CDKN2A: variants seen among roughly 807,000 people sequenced by gnomAD.
The protein encoded by CDKN2A is cyclin-dependent kinase inhibitor 2A.
A neutral mutation model predicts 11.1 loss-of-function variants in CDKN2A; 3 were observed. The observed-to-expected ratio is 0.27, with a 90% CI of 0.12 to 0.70. The LOEUF is 0.70. Among genes scored for constraint, CDKN2A ranks in the 30% least tolerant of loss-of-function variants. The probability of loss-of-function intolerance (pLI) is 0.77; values close to 1 mark genes in which losing one functional copy is unlikely to be tolerated. For synonymous variants in CDKN2A, 122 were observed against 108.1 expected, an observed-to-expected ratio of 1.13 and a Z score of -0.80; for missense variants, 265 against 233.6, an observed-to-expected ratio of 1.13 and a Z score of -0.88.
At chr9:21,971,564 T>C (rs941885702) in intron 1 of CDKN2A, among the ~76,000 whole-genome samples, 4 of 146,186 alleles carry the variant, frequency 2.7e-5, no homozygotes, top group Non-Finnish European at 4.5e-5. Flanking sequence ...GAAATTATGT[T>C]AGGCCTGGAG....
At chr9:21,980,826 G>T (rs1266579031) in intron 2 of CDKN2A, among the ~76,000 whole-genome samples, 1 of 150,216 alleles carries the variant, frequency 6.7e-6, no homozygotes, top group Admixed American at 6.7e-5. Context: ...AGGCGAGGTG[G>T]CGGGCACCTG....
Position 21,988,080 on chromosome 9 carries a change from C to G in CDKN2A, c.-4+5802G>C, listed in dbSNP as rs1432316509. Among the ~76,000 whole-genome samples, 2 of 152,090 alleles carry G rather than the reference C, an allele frequency of 1.3e-5. No individual in the cohort carries two copies. The highest frequency in any genetic ancestry group is 2.4e-5 in the African/African-American group (1 of 41,416). On this transcript the variant is annotated intron_variant, in intron 2 of 3. Transcript: ENST00000494262. This position sits in a 1 kb window ranked among gnomAD's most constrained non-coding sequence, Gnocchi z 4.1. ...AAGAAAGCAGAGGCTTTTTTATTTACGTTACCTTGATTGTACGATTTTATT... is the reference window on the plus strand; with the variant it reads ...AAGAAAGCAGAGGCTTTTTTATTTAGGTTACCTTGATTGTACGATTTTATT...
At chr9:21,978,249 C>G (rs1168378193), upstream of CDKN2A, among the ~76,000 whole-genome samples, 2 of 151,646 alleles carry the variant, frequency 1.3e-5, no homozygotes, top group Non-Finnish European at 2.9e-5. Flanking sequence ...CACATGTACT[C>G]TAAAACTTAA....
chr9:21,994,490 C>G, intron 1 of CDKN2A: 1 of 1,451,964 alleles, frequency 6.9e-7, no homozygotes, highest in African/African-American at 1.5e-5. Context: ...CTTCCCTGAG[C>G]GCGCCCGCCC....
rs1214152049 is a variant in CDKN2A at position 21,968,050 on chromosome 9, C to T, written c.*179G>A. 2 of 630,636 alleles carry T rather than the reference C, an allele frequency of 3.2e-6. No individual in the cohort carries two copies. Among genetic ancestry groups the T allele is most frequent in the East Asian group, 2.7e-5 (1 of 36,664 alleles). The allele number at this position is 630,636 out of a possible 1,614,324, so 39.1% of individuals were successfully genotyped here. A position where few individuals can be genotyped will look rare whatever the true frequency, so the allele number is the denominator to read the frequency against. ...AAAAAATGATATAAATGGACATTTA[C>T]GGTAGTGGGGGAAGGCATATATCTA... On this transcript the variant is annotated 3_prime_UTR_variant, in exon 3 of 3. Transcript: ENST00000304494. This position sits in a 1 kb window ranked among gnomAD's most constrained non-coding sequence, Gnocchi z 4.7.
At chr9:21,985,742 TAA>T (rs1163719285) in intron 2 of CDKN2A, among the ~76,000 whole-genome samples, 5 of 152,000 alleles carry the variant, frequency 3.3e-5, no homozygotes, top group Non-Finnish European at 7.4e-5. Context: ...AGGTATACCC[TAA>T]AGGCCACCAT....
In CDKN2A at chr9:21,968,223, G is replaced by A. The variant is rs375628411; in HGVS notation, c.*6C>T. The A allele has an allele frequency of 6.2e-7, 1 of 1,613,896 alleles. No individual in the cohort carries two copies. Among genetic ancestry groups the A allele is most frequent in the South Asian group, 1.1e-5 (1 of 91,070 alleles). On this transcript the variant is annotated 3_prime_UTR_variant, in exon 3 of 3. Coordinates refer to ENST00000304494, the MANE Select transcript of CDKN2A (RefSeq NM_000077.5). The surrounding 1 kb of genome is among the most constrained non-coding windows in gnomAD (Gnocchi z 4.7). ...CCCGAGGTTTCTCAGAGCCTCTCTGGTTCTTTCAATCGGGGATGTCTGCAG... is the reference window on the plus strand; with the variant it reads ...CCCGAGGTTTCTCAGAGCCTCTCTGATTCTTTCAATCGGGGATGTCTGCAG...
At chr9:21,976,538 A>G (rs1250156677), upstream of CDKN2A, among the ~76,000 whole-genome samples, 1 of 152,084 alleles carries the variant, frequency 6.6e-6, no homozygotes, top group African/African-American at 2.4e-5. Flanking sequence ...CAACATGGCG[A>G]AACCCTGTCT....
At chr9:21,974,859 C>G (rs754906913), upstream of CDKN2A, 3 of 1,517,936 alleles carry the variant, frequency 2.0e-6, no homozygotes, top group East Asian at 7.4e-5. This position sits in a 1 kb window ranked among gnomAD's most constrained non-coding sequence, Gnocchi z 5.2. Context: ...CCTGCTCTCC[C>G]CCTCTCCGCA....
intron 2 of CDKN2A, among the ~76,000 whole-genome samples, chr9:21,990,611 T>TGAGAGAGAGAGAGGGAGAGAGAGA (rs1820405927): frequency 1.1e-5 from 1 of 89,676 alleles, no homozygotes; most frequent in Non-Finnish European, 2.2e-5. Flanking sequence ...ACTAATTTGG[T>TGAGAGAGAGAGAGGGAGAGAGAGA]GAGAGAGAGA....
Position 21,968,661 on chromosome 9 carries a change from C to T in CDKN2A, c.458-419G>A, listed in dbSNP as rs1449422751. On this transcript the variant is annotated intron_variant, in intron 2 of 2. Transcript: ENST00000304494. This position sits in a 1 kb window ranked among gnomAD's most constrained non-coding sequence, Gnocchi z 4.7. ...TGCACCTGGTGCGGAGTGAGCCAGC[C>T]AGCTTGCGATAACCAAAGGGCGCCT... 1 of 1,534,788 alleles carries T rather than the reference C, an allele frequency of 6.5e-7. No individual in the cohort carries two copies. The highest frequency in any genetic ancestry group is 1.4e-5 in the African/African-American group (1 of 73,012).
In CDKN2A at chr9:21,994,238, C is replaced by T. The variant is rs879254043; in HGVS notation, c.-175-185G>A. 1.2e-5 allele frequency: 20 copies of T among 1,606,336 alleles called. No individual in the cohort carries two copies. The highest frequency in any genetic ancestry group is 1.6e-5 in the Non-Finnish European group (19 of 1,179,250). On this transcript the variant is annotated intron_variant, in intron 1 of 3. Coordinates refer to the CDKN2A transcript ENST00000494262. ...GGCGCCCCTGGCGCTGCCCACTCCC[C>T]CGTGAGCCGCGGGATGTGAACCACG...
upstream of CDKN2A, among the ~76,000 whole-genome samples, chr9:21,977,887 G>A (rs891281541): frequency 6.6e-5 from 10 of 152,204 alleles, no homozygotes; most frequent in Middle Eastern, 3.4e-3. Flanking sequence ...TTCAGCTCTT[G>A]TGAAAAATAT....
chr9:21,992,721 A>G (rs1384945724), intron 2 of CDKN2A, among the ~76,000 whole-genome samples: 1 of 152,018 alleles, frequency 6.6e-6, no homozygotes, highest in Non-Finnish European at 1.5e-5. Context: ...GATTTTATAT[A>G]GAATAATATT....
upstream of CDKN2A, among the ~76,000 whole-genome samples, chr9:21,978,876 A>G (rs991550612): frequency 1.3e-5 from 2 of 152,194 alleles, no homozygotes; most frequent in African/African-American, 4.8e-5. Context: ...AACTTTTATC[A>G]AAGTTACTCA....
rs2131081763 is a variant in CDKN2A at position 21,968,705 on chromosome 9, G to C, written c.458-463C>G. 3.3e-6 allele frequency: 5 copies of C among 1,536,178 alleles called. No homozygotes were observed. The South Asian group carries it at 4.8e-5, about 15-fold the overall frequency. ...GGCGCCTCAGGCTCTGGCGCTCCTC[G>C]GCGGAATCCCGTAGCTTCCCTACGC... On this transcript the variant is annotated intron_variant, in intron 2 of 2. Transcript: ENST00000304494. This position sits in a 1 kb window ranked among gnomAD's most constrained non-coding sequence, Gnocchi z 4.7.
intron 2 of CDKN2A, chr9:21,989,478 T>C (rs3731198): frequency 0.099 from 15,080 of 152,130 alleles, 959 homozygotes; most frequent in Middle Eastern, 0.14. Flanking sequence ...CGGGCCACTC[T>C]CTATACCATC....
At chr9:21,992,677 A>G (rs1820455281) in intron 2 of CDKN2A, among the ~76,000 whole-genome samples, 1 of 152,092 alleles carries the variant, frequency 6.6e-6, no homozygotes, top group African/African-American at 2.4e-5. Context: ...GTTACTACAG[A>G]TTTTCAGAGG....
intron 2 of CDKN2A, among the ~76,000 whole-genome samples, chr9:21,990,365 T>C (rs1209212464): frequency 6.6e-6 from 1 of 152,156 alleles, no homozygotes; most frequent in Non-Finnish European, 1.5e-5. Flanking sequence ...CACGTTCTCG[T>C]GTATGACACT....
Sources: gnomAD v4.1 joint callset for allele counts (sites outside exome capture counted in the v4.1 genomes callset) on GRCh38, gnomAD v4.1.1 for gene constraint, Gnocchi (gnomAD v3.1) non-coding constraint, MANE v1.5 for transcripts, NCBI Gene and HGNC (gene_info 2026-07-23, HGNC 2026-07-21) for gene names.